Variants in MAGI1 observed in about 807,000 individuals in gnomAD.
MAGI1 encodes membrane-associated guanylate kinase, WW and PDZ domain-containing protein 1.
In MAGI1, 58 loss-of-function variants were observed where a neutral mutation model predicts 139.9. The observed-to-expected ratio is 0.41, with a 90% CI of 0.34 to 0.52. The LOEUF (loss-of-function observed/expected upper bound fraction) is 0.52, where lower values mean the gene tolerates loss of function less well. Ranked by LOEUF, MAGI1 falls within the 20% of genes least tolerant of loss-of-function variation. The probability of loss-of-function intolerance (pLI) is 0.12; values close to 1 mark genes in which losing one functional copy is unlikely to be tolerated. For synonymous variants in MAGI1, 812 were observed against 737.9 expected (o/e 1.10, Z -1.63); for missense variants, 1,874 against 1,901.6 (o/e 0.99, Z 0.27).
chr3:65,754,440 G>C (rs1011587595), intron 1 of MAGI1, among the ~76,000 whole-genome samples: 1 of 152,104 alleles, frequency 6.6e-6, no homozygotes, highest in African/African-American at 2.4e-5. Flanking sequence ...ACTTGTTTTG[G>C]TCCCCAGATT....
intron 13 of MAGI1, among the ~76,000 whole-genome samples, chr3:65,397,563 G>A (rs1419762215): frequency 6.7e-6 from 1 of 149,618 alleles, no homozygotes; most frequent in African/African-American, 2.5e-5. Flanking sequence ...GGAAACTCTT[G>A]TCTCTTTAGT....
intron 1 of MAGI1, among the ~76,000 whole-genome samples, chr3:65,886,147 T>C (rs2060523257): frequency 6.6e-6 from 1 of 152,230 alleles, no homozygotes; most frequent in African/African-American, 2.4e-5. Context: ...AATAGGCTCT[T>C]ATATTCCGTA....
At chr3:66,033,006 T>C (rs1232788612) in intron 1 of MAGI1, among the ~76,000 whole-genome samples, 1 of 150,582 alleles carries the variant, frequency 6.6e-6, no homozygotes, top group Non-Finnish European at 1.5e-5. Flanking sequence ...GGTGAGGGAA[T>C]GGCACTTTAC....
At chr3:65,467,518 C>A (rs2107566541) in intron 5 of MAGI1, among the ~76,000 whole-genome samples, 1 of 152,288 alleles carries the variant, frequency 6.6e-6, no homozygotes, top group South Asian at 2.1e-4. Flanking sequence ...CCATAATTAT[C>A]ATTAGCCACA....
At position 65,452,188 on chromosome 3, in the gene MAGI1, T is replaced by C. The variant is rs1008215317; in HGVS notation, c.1042+1070A>G. Among the ~76,000 whole-genome samples the C allele has an allele frequency of 2.2e-4, 34 of 152,186 alleles. 1 individual carries two copies. The highest frequency in any genetic ancestry group is 2.2e-3 in the Admixed American group (33 of 15,276). On this transcript the variant is annotated intron_variant, in intron 6 of 22. Coordinates refer to ENST00000402939, the MANE Select transcript of MAGI1 (RefSeq NM_001033057.2). ...CATGCCTCCTAAGTTAGAAGGACTT[T>C]TGTTTCCATTTGAAGTAACTCAGAT...
intron 14 of MAGI1, chr3:65,387,040 C>T (rs1321938909): frequency 3.1e-5 from 31 of 991,584 alleles, no homozygotes; most frequent in Admixed American, 2.8e-4. Flanking sequence ...CCCCTTTTTT[C>T]TTCCCTCTCT....
chr3:65,976,302 G>A (rs1352363058), intron 1 of MAGI1, among the ~76,000 whole-genome samples: 1 of 152,162 alleles, frequency 6.6e-6, no homozygotes. Flanking sequence ...GATGAGGGAT[G>A]CTAAGATGTA....
chr3:65,977,964 A>G (rs1050853537), intron 1 of MAGI1, among the ~76,000 whole-genome samples: 1 of 152,206 alleles, frequency 6.6e-6, no homozygotes, highest in African/African-American at 2.4e-5. Flanking sequence ...TCTAACTTCC[A>G]GAGAGGCCTT....
intron 1 of MAGI1, among the ~76,000 whole-genome samples, chr3:65,756,594 C>T (rs527605567): frequency 1.2e-4 from 19 of 152,296 alleles, no homozygotes; most frequent in African/African-American, 4.1e-4. Context: ...ACAAGTCTTT[C>T]ATAAGCATCT....
At chr3:65,662,971 G>C (rs2086284282) in intron 1 of MAGI1, among the ~76,000 whole-genome samples, 1 of 152,070 alleles carries the variant, frequency 6.6e-6, no homozygotes, top group African/African-American at 2.4e-5. Context: ...TGTGAGCAGG[G>C]CATGGATGGT....
At chr3:65,927,904 T>C (rs1197358227) in intron 1 of MAGI1, among the ~76,000 whole-genome samples, 1 of 152,136 alleles carries the variant, frequency 6.6e-6, no homozygotes, top group Non-Finnish European at 1.5e-5. Context: ...TAACACAGCA[T>C]GTCCTTTTCA....
rs185441253 is a variant in MAGI1, at chr3:65,833,619, A to G, written c.313+204377T>C. Among the ~76,000 whole-genome samples the G allele has an allele frequency of 5.3e-4, 80 of 152,318 alleles. No homozygotes were observed. In the Middle Eastern group the frequency reaches 0.01, roughly 19 times the overall value. On this transcript the variant is annotated intron_variant, in intron 1 of 22. Coordinates refer to ENST00000402939, the MANE Select transcript of MAGI1 (RefSeq NM_001033057.2). ...ACTTACCTATTTGTAAGTCTTTACT[A>G]TGTCATATAAAATAGAGAATATTCA...
chr3:65,743,000 AATAAACTTC>A (rs1296968680), intron 1 of MAGI1, among the ~76,000 whole-genome samples: 7 of 152,182 alleles, frequency 4.6e-5, no homozygotes, highest in African/African-American at 1.4e-4. Flanking sequence ...GACAGGGTTA[AATAAACTTC>A]ATTCTATCAA....
chr3:65,991,963 C>T (rs1226017167), intron 1 of MAGI1, among the ~76,000 whole-genome samples: 2 of 151,990 alleles, frequency 1.3e-5, no homozygotes, highest in Non-Finnish European at 2.9e-5. Flanking sequence ...TGCAGTGAGC[C>T]GAGATCGCAC....
chr3:65,914,327 C>T (rs1312295465), intron 1 of MAGI1: 1 of 152,156 alleles, frequency 6.6e-6, no homozygotes, highest in Admixed American at 6.6e-5. Context: ...GAACAAAGAT[C>T]GATCTGTTAA....
rs145385136 is a variant in MAGI1 at position 65,472,670 on chromosome 3, C to G, written c.758-2186G>C. 6.6e-5 allele frequency among the ~76,000 whole-genome samples: 10 copies of G among 152,308 alleles called. 1 individual carries two copies. In the East Asian group the frequency reaches 1.9e-3, roughly 29 times the overall value. On this transcript the variant is annotated intron_variant, in intron 4 of 22. Coordinates refer to ENST00000402939, the MANE Select transcript of MAGI1 (RefSeq NM_001033057.2). ...GAGTGGTGCAGTCTCTGGCTACACACTCCTCCGTGCACCAGTGCCAGGCCA... is the reference window on the plus strand; with the variant it reads ...GAGTGGTGCAGTCTCTGGCTACACAGTCCTCCGTGCACCAGTGCCAGGCCA...
At chr3:65,477,976 T>C (rs1395677438) in intron 4 of MAGI1, among the ~76,000 whole-genome samples, 1 of 151,792 alleles carries the variant, frequency 6.6e-6, no homozygotes, top group African/African-American at 2.4e-5. Context: ...ATATATATAA[T>C]ATAGTCAGTA....
At chr3:65,534,374 C>G (rs936820483) in intron 2 of MAGI1, among the ~76,000 whole-genome samples, 12 of 151,990 alleles carry the variant, frequency 7.9e-5, no homozygotes, top group Non-Finnish European at 1.8e-4. Flanking sequence ...ACCGGTAGTC[C>G]CAGATACTCA....
intron 1 of MAGI1, among the ~76,000 whole-genome samples, chr3:65,756,277 C>T (rs2036557915): frequency 6.6e-6 from 1 of 152,038 alleles, no homozygotes; most frequent in African/African-American, 2.4e-5. Context: ...AAATTGTGTG[C>T]ATTTTTACAC....
Sources: allele counts gnomAD v4.1 joint callset (sites outside exome capture counted in the v4.1 genomes callset), GRCh38; gene constraint gnomAD v4.1.1; transcripts MANE v1.5; gene names NCBI Gene and HGNC (gene_info 2026-07-23, HGNC 2026-07-21).